HSD17B6: variants seen among roughly 807,000 people sequenced by gnomAD.
HSD17B6 encodes hydroxysteroid 17-beta dehydrogenase 6.
Under a neutral mutation model 26.4 loss-of-function variants are expected in HSD17B6, and 16 were observed. The ratio of observed to expected loss-of-function variants is 0.61; its 90% CI spans 0.41 to 0.92. HSD17B6 has a LOEUF of 0.92. HSD17B6 is among the 40% of genes least tolerant of loss of function. The pLI is 0.00. For synonymous variants in HSD17B6, 139 were observed against 153.0 expected, an observed-to-expected ratio of 0.91 and a Z score of 0.68; for missense variants, 357 against 386.1, an observed-to-expected ratio of 0.92 and a Z score of 0.63.
intron 1 of HSD17B6, among the ~76,000 whole-genome samples, chr12:56,767,374 G>A (rs1459834240): frequency 7.3e-5 from 11 of 150,940 alleles, no homozygotes; most frequent in Admixed American, 1.3e-4. Flanking sequence ...AAAATTAGCC[G>A]GGCGTGGTGG....
At chr12:56,763,805 G>A (rs1363910324) in intron 1 of HSD17B6, among the ~76,000 whole-genome samples, 1 of 151,916 alleles carries the variant, frequency 6.6e-6, no homozygotes, top group Non-Finnish European at 1.5e-5. Context: ...TTCTGTGATT[G>A]GGCCAAGATC....
intron 3 of HSD17B6, among the ~76,000 whole-genome samples, chr12:56,783,170 CG>C: frequency 6.6e-6 from 1 of 152,124 alleles, no homozygotes; most frequent in East Asian, 1.9e-4. Context: ...ACCTCCCAGA[CG>C]GGGTGGTGGC....
At chr12:56,763,648 T>C (rs1359774444) in intron 1 of HSD17B6, among the ~76,000 whole-genome samples, 1 of 152,038 alleles carries the variant, frequency 6.6e-6, no homozygotes, top group African/African-American at 2.4e-5. Flanking sequence ...TGGTTACAAG[T>C]TGGGAGTGAT....
At chr12:56,786,040 G>T (rs1954866052) in intron 4 of HSD17B6, 1 of 677,774 alleles carries the variant, frequency 1.5e-6, no homozygotes, top group South Asian at 6.7e-5. Flanking sequence ...TTGGGATGAT[G>T]AAAATGTTCT....
chr12:56,783,577 T>C (rs1954786802), intron 3 of HSD17B6, among the ~76,000 whole-genome samples: 3 of 122,120 alleles, frequency 2.5e-5, no homozygotes, highest in East Asian at 3.1e-4. Context: ...ACAGGACGGC[T>C]GGCCGGGCGG....
intron 1 of HSD17B6, among the ~76,000 whole-genome samples, chr12:56,767,441 T>C (rs1335237636): frequency 2.7e-5 from 4 of 150,292 alleles, no homozygotes; most frequent in African/African-American, 9.8e-5. Context: ...GGCGTGAACC[T>C]GGGAGGCAGA....
At chr12:56,774,840 G>C (rs1230574633) in intron 2 of HSD17B6, among the ~76,000 whole-genome samples, 1 of 152,234 alleles carries the variant, frequency 6.6e-6, no homozygotes, top group African/African-American at 2.4e-5. Context: ...CCTGTGATGG[G>C]GAGTGGCTGT....
At chr12:56,783,530 C>T (rs1410143968) in intron 3 of HSD17B6, among the ~76,000 whole-genome samples, 2 of 143,822 alleles carry the variant, frequency 1.4e-5, no homozygotes, top group Non-Finnish European at 3.1e-5. Context: ...GGCGGCCGGC[C>T]GGGCGGGGGG....
chr12:56,781,093 C>A (rs917176082), intron 2 of HSD17B6, among the ~76,000 whole-genome samples: 1 of 152,106 alleles, frequency 6.6e-6, no homozygotes, highest in Admixed American at 6.6e-5. Context: ...TATTTCTTTA[C>A]GACACCAAAA....
chr12:56,782,160 GA>G lies in HSD17B6; in HGVS notation c.502del (p.Arg168GlufsTer6). The G allele has an allele frequency of 6.2e-7, 1 of 1,614,194 alleles. No individual in the cohort carries two copies. The highest frequency in any genetic ancestry group is 8.5e-7 in the Non-Finnish European group (1 of 1,180,034). On this transcript the variant is annotated frameshift_variant, in exon 3 of 5. Transcript: ENST00000322165. LOFTEE classifies it high-confidence loss of function. The part of the protein sequence containing the change: ...GRIVNVSSIL[G>X]RVAFFVGGYC... ...ATTGTCAATGTCTCCAGCATTCTGG[GA>G]AGAGTTGCTTTCTTTGTAGGAGGCT...
At chr12:56,782,263 G>C in intron 3 of HSD17B6, 31 bp downstream of exon 3, 1 of 1,606,132 alleles carries the variant, frequency 6.2e-7, no homozygotes, top group Non-Finnish European at 8.5e-7. Context: ...AACAGCTATT[G>C]AGCACTGAAA....
At chr12:56,786,778 G>A (rs1359804284) in intron 4 of HSD17B6, among the ~76,000 whole-genome samples, 1 of 152,186 alleles carries the variant, frequency 6.6e-6, no homozygotes, top group African/African-American at 2.4e-5. Context: ...GAGCCTGGGA[G>A]GCAGAGGTTG....
At chr12:56,785,693 G>A (rs369506083) in intron 4 of HSD17B6, among the ~76,000 whole-genome samples, 1 of 152,240 alleles carries the variant, frequency 6.6e-6, no homozygotes, top group Non-Finnish European at 1.5e-5. Context: ...GTGCCCCTTG[G>A]TAGCATTGCA....
intron 1 of HSD17B6, among the ~76,000 whole-genome samples, chr12:56,770,772 A>G (rs1488351607): frequency 2.0e-5 from 3 of 152,082 alleles, no homozygotes; most frequent in Admixed American, 6.6e-5. Context: ...GACACTAAGG[A>G]GGGTATAGTC....
At chr12:56,778,800 A>T (rs1350282486) in intron 2 of HSD17B6, among the ~76,000 whole-genome samples, 1 of 150,466 alleles carries the variant, frequency 6.6e-6, no homozygotes, top group Non-Finnish European at 1.5e-5. Context: ...TCAGCCTTAC[A>T]AGTAGCTGGG....
At chr12:56,780,231 G>A (rs879698800) in intron 2 of HSD17B6, among the ~76,000 whole-genome samples, 12 of 152,050 alleles carry the variant, frequency 7.9e-5, no homozygotes, top group Admixed American at 1.3e-4. Context: ...TTTTTGGGGG[G>A]TGTAAAAAGT....
intron 1 of HSD17B6, among the ~76,000 whole-genome samples, chr12:56,764,675 A>G (rs1954284012): frequency 6.6e-6 from 1 of 152,176 alleles, no homozygotes; most frequent in African/African-American, 2.4e-5. Context: ...CCCTCTCAAT[A>G]AATCACTGAG....
In HSD17B6 at chr12:56,782,040, C is replaced by T; in HGVS notation, c.380C>T (p.Thr127Ile). Residue 127 changes from threonine (T) to isoleucine (I), a missense_variant, in exon 3 of 5, where the codon ACT becomes ATT. Thr to Ile is a moderately conservative substitution (Grantham distance 89). Transcript: ENST00000322165. ...TPITLCEWLN[T>I]EDSMNMLKVN... ...ATTACCTTATGTGAGTGGCTGAACA[C>T]TGAGGACTCTATGAATATGCTCAAA... 6.2e-7 allele frequency: 1 copy of T among 1,614,154 alleles called. No homozygotes were observed. The highest frequency in any genetic ancestry group is 2.2e-5 in the East Asian group (1 of 44,876).
At position 56,773,881 on chromosome 12, in the gene HSD17B6, G is replaced by A; in HGVS notation, c.29G>A (p.Gly10Asp). Residue 10 changes from glycine to aspartate, a missense_variant, in exon 2 of 5, where the codon GGC becomes GAC. Gly to Asp is a moderately conservative substitution (Grantham distance 94). Transcript: ENST00000322165. MWLYLAAFV[G>D]LYYLLHWYRE... ...TGGCTCTACCTGGCGGCCTTCGTGG[G>A]CCTGTACTACCTTCTGCACTGGTAC... 6.3e-7 allele frequency: 1 copy of A among 1,593,062 alleles called. No homozygotes were observed. The highest frequency in any genetic ancestry group is 8.6e-7 in the Non-Finnish European group (1 of 1,166,302).
Sources: allele counts gnomAD v4.1 joint callset (sites outside exome capture counted in the v4.1 genomes callset), GRCh38; gene constraint gnomAD v4.1.1; transcripts MANE v1.5; gene names NCBI Gene and HGNC (gene_info 2026-07-23, HGNC 2026-07-21).